PRKCE: variants seen among roughly 807,000 people sequenced by gnomAD.
PRKCE encodes the protein protein kinase C epsilon type.
A neutral mutation model predicts 85.4 loss-of-function variants in PRKCE; 16 were observed. The ratio of observed to expected loss-of-function variants is 0.19; its 90% CI spans 0.13 to 0.28. The LOEUF (loss-of-function observed/expected upper bound fraction) is 0.28. Among genes scored for constraint, PRKCE ranks in the 10% least tolerant of loss-of-function variants. PRKCE has a pLI of 1.00. For synonymous variants in PRKCE, 388 were observed against 371.5 expected (o/e 1.04, Z -0.51); for missense variants, 573 against 975.2 (o/e 0.59, Z 5.49).
At chr2:45,670,442 T>C (rs1676105770) in intron 1 of PRKCE, among the ~76,000 whole-genome samples, 2 of 152,228 alleles carry the variant, frequency 1.3e-5, no homozygotes, top group Non-Finnish European at 2.9e-5. Flanking sequence ...AATTGAACAA[T>C]ATACACATTA....
intron 11 of PRKCE, among the ~76,000 whole-genome samples, chr2:46,108,124 C>T (rs566461290): frequency 2.0e-5 from 3 of 152,190 alleles, no homozygotes; most frequent in East Asian, 3.9e-4. Context: ...GACAGGGTGT[C>T]GCTCTGTTGC....
At chr2:45,746,117 T>C (rs995182841) in intron 1 of PRKCE, among the ~76,000 whole-genome samples, 1 of 152,224 alleles carries the variant, frequency 6.6e-6, no homozygotes, top group Non-Finnish European at 1.5e-5. Context: ...TCCTTTTCCC[T>C]GCCCCTTCCC....
At chr2:45,865,160 G>A (rs779654585) in intron 2 of PRKCE, among the ~76,000 whole-genome samples, 1 of 152,174 alleles carries the variant, frequency 6.6e-6, no homozygotes, top group Non-Finnish European at 1.5e-5. Flanking sequence ...TTTCTAACCA[G>A]CTCCTAGGCG....
chr2:45,920,083 C>T (rs766535225), intron 2 of PRKCE, among the ~76,000 whole-genome samples: 5 of 152,238 alleles, frequency 3.3e-5, no homozygotes, highest in Non-Finnish European at 5.9e-5. Context: ...ACACACCCAT[C>T]ACCCTAGATC....
intron 2 of PRKCE, among the ~76,000 whole-genome samples, chr2:45,867,443 T>C (rs2105716121): frequency 6.6e-6 from 1 of 152,366 alleles, no homozygotes; most frequent in African/African-American, 2.4e-5. Flanking sequence ...CTGGCAACCC[T>C]ATGTTGGAGC....
intron 1 of PRKCE, among the ~76,000 whole-genome samples, chr2:45,816,071 G>A (rs999994213): frequency 6.6e-6 from 1 of 152,222 alleles, no homozygotes; most frequent in African/African-American, 2.4e-5. Context: ...CCTGTAAAGA[G>A]TACTGGAAAG....
chr2:46,125,218 A>G (rs1031091480), intron 11 of PRKCE, among the ~76,000 whole-genome samples: 3 of 152,212 alleles, frequency 2.0e-5, no homozygotes, highest in Non-Finnish European at 2.9e-5. Flanking sequence ...GGTCAGTACT[A>G]TAGTTCATCC....
chr2:46,023,156 G>C (rs551213368), intron 10 of PRKCE, among the ~76,000 whole-genome samples: 1 of 149,282 alleles, frequency 6.7e-6, no homozygotes. Flanking sequence ...GCTTTGTCAT[G>C]TTTCTCTTTG....
intron 1 of PRKCE, among the ~76,000 whole-genome samples, chr2:45,682,349 G>A (rs1314510028): frequency 6.6e-6 from 1 of 152,204 alleles, no homozygotes; most frequent in Non-Finnish European, 1.5e-5. Flanking sequence ...GTACGAGGTA[G>A]GAACTTTTGA....
chr2:46,089,111 A>G (rs1186093028), intron 11 of PRKCE, among the ~76,000 whole-genome samples: 5 of 151,394 alleles, frequency 3.3e-5, no homozygotes, highest in African/African-American at 1.2e-4. Context: ...TTGCCTTCCC[A>G]TTGTCCTAAC....
chr2:45,930,159 C>T (rs1036893079), intron 2 of PRKCE, among the ~76,000 whole-genome samples: 3 of 152,132 alleles, frequency 2.0e-5, no homozygotes, highest in Non-Finnish European at 4.4e-5. Flanking sequence ...CTGTTCTGTG[C>T]GACACCCCAC....
At chr2:46,083,880 C>A (rs1574425451) in intron 10 of PRKCE, among the ~76,000 whole-genome samples, 1 of 152,190 alleles carries the variant, frequency 6.6e-6, no homozygotes, top group East Asian at 1.9e-4. Flanking sequence ...TTATATTGCA[C>A]AGATGCAAGA....
At chr2:46,013,610 A>G (rs993782371) in intron 10 of PRKCE, among the ~76,000 whole-genome samples, 6 of 152,222 alleles carry the variant, frequency 3.9e-5, no homozygotes, top group Admixed American at 1.3e-4. Flanking sequence ...CCTCTGAGCC[A>G]CCTTAAACCT....
chr2:45,675,038 T>C (rs1676363959), intron 1 of PRKCE: 2 of 152,228 alleles, frequency 1.3e-5, no homozygotes, highest in African/African-American at 4.8e-5. Flanking sequence ...TTTAATTCAA[T>C]GCTGATTAAA....
At chr2:45,673,889 C>T (rs946639826) in intron 1 of PRKCE, among the ~76,000 whole-genome samples, 5 of 152,174 alleles carry the variant, frequency 3.3e-5, no homozygotes, top group African/African-American at 9.7e-5. Context: ...TATGGAATTA[C>T]ATTGGCTGAG....
At chr2:45,724,455 A>G (rs75640352) in intron 1 of PRKCE, among the ~76,000 whole-genome samples, 8 of 152,192 alleles carry the variant, frequency 5.3e-5, no homozygotes, top group African/African-American at 9.7e-5. Context: ...TAACCCTACA[A>G]TGACCTCTAA....
At chr2:46,132,602 C>A (rs1197110482) in intron 11 of PRKCE, among the ~76,000 whole-genome samples, 1 of 152,202 alleles carries the variant, frequency 6.6e-6, no homozygotes, top group Non-Finnish European at 1.5e-5. Context: ...TTCGCCTGAG[C>A]CTGTGCAGCC....
chr2:45,900,020 A>G (rs1381069757), intron 2 of PRKCE, among the ~76,000 whole-genome samples: 1 of 152,196 alleles, frequency 6.6e-6, no homozygotes. Context: ...CAGTAAACCA[A>G]GTCAGTTCAG....
intron 2 of PRKCE, among the ~76,000 whole-genome samples, chr2:45,916,487 C>A (rs1697789407): frequency 1.3e-5 from 2 of 152,054 alleles, no homozygotes; most frequent in Non-Finnish European, 2.9e-5. Flanking sequence ...CTCAAGTGAT[C>A]CTCCTGCTTT....
Sources: gnomAD v4.1 joint callset for allele counts (sites outside exome capture counted in the v4.1 genomes callset) on GRCh38, gnomAD v4.1.1 for gene constraint, MANE v1.5 for transcripts, NCBI Gene and HGNC (gene_info 2026-07-23, HGNC 2026-07-21) for gene names.